PALS2: variants seen among roughly 807,000 people sequenced by gnomAD.
PALS2 encodes protein associated with LIN7 2, MAGUK p55 family member.
PALS2 carries 27 observed loss-of-function variants against 61.6 expected under a neutral mutation model. The ratio of observed to expected loss-of-function variants is 0.44; its 90% CI spans 0.32 to 0.60. PALS2 has a LOEUF of 0.60. Among genes scored for constraint, PALS2 ranks in the 20% least tolerant of loss-of-function variants. The pLI is 0.05. For synonymous variants in PALS2, 236 were observed against 218.6 expected, an observed-to-expected ratio of 1.08 and a Z score of -0.70; for missense variants, 554 against 639.4, an observed-to-expected ratio of 0.87 and a Z score of 1.44.
intron 1 of PALS2, among the ~76,000 whole-genome samples, chr7:24,585,122 C>T (rs1272612964): frequency 6.6e-6 from 1 of 152,170 alleles, no homozygotes; most frequent in African/African-American, 2.4e-5. Flanking sequence ...GTTCTTTTGG[C>T]TTAGGATTAC....
chr7:24,607,623 GTA>G (rs760117855), intron 1 of PALS2, among the ~76,000 whole-genome samples: 10 of 144,320 alleles, frequency 6.9e-5, no homozygotes, highest in Non-Finnish European at 1.1e-4. Context: ...ATATATGTGT[GTA>G]TATATACATA....
At chr7:24,617,777 T>C (rs796091410) in intron 1 of PALS2, among the ~76,000 whole-genome samples, 8 of 152,290 alleles carry the variant, frequency 5.3e-5, no homozygotes, top group African/African-American at 1.9e-4. Flanking sequence ...ACCAACTTGG[T>C]GTCTGGCTTG....
Position 24,639,617 on chromosome 7 carries a change from A to G in PALS2, c.118-2099A>G, listed in dbSNP as rs147382628. Among the ~76,000 whole-genome samples, 60 of 152,154 alleles carry G rather than the reference A, an allele frequency of 3.9e-4. 1 individual carries two copies. The highest frequency in any genetic ancestry group is 3.4e-3 in the Middle Eastern group (1 of 294). Reference sequence around the variant, plus strand: ...TATTCCAGCAAATATTTCTATCTAAACAATTGGCAATTCTAGCTTATTTCA... The same window carrying G: ...TATTCCAGCAAATATTTCTATCTAAGCAATTGGCAATTCTAGCTTATTTCA... On this transcript the variant is annotated intron_variant, in intron 2 of 11. Coordinates refer to ENST00000222644, the MANE Select transcript of PALS2 (RefSeq NM_001303037.2).
intron 2 of PALS2, chr7:24,624,234 G>A: frequency 1.2e-6 from 1 of 806,034 alleles, no homozygotes; most frequent in Non-Finnish European, 1.7e-6. Flanking sequence ...TTTTAAGTCT[G>A]TTTCCCTAGT....
chr7:24,651,055 G>A (rs1275222729), intron 5 of PALS2, among the ~76,000 whole-genome samples: 4 of 152,002 alleles, frequency 2.6e-5, no homozygotes, highest in African/African-American at 9.7e-5. Flanking sequence ...CCCTGGGAGA[G>A]GATAAAAATG....
intron 5 of PALS2, among the ~76,000 whole-genome samples, chr7:24,652,855 T>G (rs550081045): frequency 1.5e-4 from 23 of 152,308 alleles, no homozygotes; most frequent in African/African-American, 5.3e-4. Flanking sequence ...TAGATGATCT[T>G]TATCAGAATC....
chr7:24,661,044 T>C (rs565122469), intron 5 of PALS2, among the ~76,000 whole-genome samples: 1 of 152,328 alleles, frequency 6.6e-6, no homozygotes, highest in Non-Finnish European at 1.5e-5. Context: ...TTCAGTTCTT[T>C]TTAGTAATAA....
intron 2 of PALS2, among the ~76,000 whole-genome samples, chr7:24,640,513 T>C (rs2128070384): frequency 6.6e-6 from 1 of 152,344 alleles, no homozygotes. Context: ...ATCCTTGAAA[T>C]GGATCTTAAA....
intron 5 of PALS2, among the ~76,000 whole-genome samples, chr7:24,657,670 A>G (rs964292070): frequency 6.6e-6 from 1 of 152,164 alleles, no homozygotes; most frequent in Non-Finnish European, 1.5e-5. Context: ...TTCTCTTAAC[A>G]ATGTCATTCA....
At chr7:24,680,358 G>A in intron 10 of PALS2, 34 bp from the exon 11 acceptor site, 1 of 1,583,664 alleles carries the variant, frequency 6.3e-7, no homozygotes, top group Non-Finnish European at 8.7e-7. Context: ...TTCTAATATT[G>A]TATAAATTGG....
chr7:24,613,932 G>A (rs1157553320), intron 1 of PALS2, among the ~76,000 whole-genome samples: 1 of 151,730 alleles, frequency 6.6e-6, no homozygotes, highest in African/African-American at 2.4e-5. Flanking sequence ...CCTTTTTATG[G>A]CTGAATAGTA....
chr7:24,600,575 T>C (rs752777933), intron 1 of PALS2, among the ~76,000 whole-genome samples: 1 of 152,160 alleles, frequency 6.6e-6, no homozygotes, highest in Non-Finnish European at 1.5e-5. Context: ...TAAGGAAAAT[T>C]TATGGTGACA....
At chr7:24,617,307 G>A (rs1360358639) in intron 1 of PALS2, among the ~76,000 whole-genome samples, 1 of 151,990 alleles carries the variant, frequency 6.6e-6, no homozygotes, top group African/African-American at 2.4e-5. Context: ...GTTGAATCAT[G>A]TATCTATTAT....
intron 1 of PALS2, among the ~76,000 whole-genome samples, chr7:24,581,244 CGTGTGTGTGTGTGTGTGTGT>C (rs55768123): frequency 1.4e-4 from 20 of 143,132 alleles, no homozygotes; most frequent in Non-Finnish European, 2.0e-4. Context: ...CATTTCCCCA[CGTGTGTGTGTGTGTGTGTGT>C]GTGTGTGTGT....
rs912065394 is a variant in PALS2 at position 24,573,591 on chromosome 7, C to G, written c.-5C>G. The G allele has an allele frequency of 1.8e-4, 66 of 372,794 alleles. No individual in the cohort carries two copies. The highest frequency in any genetic ancestry group is 1.2e-3 in the African/African-American group (58 of 46,936). The allele number at this position is 372,794 out of a possible 1,614,324, so 23.1% of individuals were successfully genotyped here. On this transcript the variant is annotated splice_region_variant and 5_prime_UTR_variant, in exon 1 of 12. Coordinates refer to ENST00000222644, the MANE Select transcript of PALS2 (RefSeq NM_001303037.2). This position sits in a 1 kb window ranked among gnomAD's most constrained non-coding sequence, Gnocchi z 5.3. ...GGCGCGGAGGCGGCTGAGGTGCGAG[C>G]CGGTGAGTTAACTGGACCCCCACGC...
At chr7:24,681,151 A>G (rs1298121862) in intron 11 of PALS2, among the ~76,000 whole-genome samples, 4 of 152,088 alleles carry the variant, frequency 2.6e-5, no homozygotes, top group Non-Finnish European at 5.9e-5. Context: ...CATGTTTATT[A>G]TATGGTTTAT....
chr7:24,647,216 G>A (rs1034696207), intron 3 of PALS2, among the ~76,000 whole-genome samples: 5 of 150,656 alleles, frequency 3.3e-5, no homozygotes, highest in South Asian at 2.1e-4. Flanking sequence ...GCACGATCTC[G>A]GTTCTCTGCA....
At chr7:24,669,564 A>C (rs1179511202) in intron 9 of PALS2, among the ~76,000 whole-genome samples, 1 of 152,188 alleles carries the variant, frequency 6.6e-6, no homozygotes, top group Non-Finnish European at 1.5e-5. Flanking sequence ...TTAACATGGC[A>C]TTCCTTTAGG....
Position 24,595,551 on chromosome 7 carries a change from T to TA in PALS2, c.-3+21959dup, listed in dbSNP as rs1323224226. Among the ~76,000 whole-genome samples the TA allele has an allele frequency of 5.9e-5, 8 of 135,636 alleles. No homozygotes were observed. The South Asian group carries it at 6.6e-4, about 11-fold the overall frequency. 89.0% of individuals were successfully genotyped at this position (135,636 alleles called of 152,430 possible). ...ATATATAATATATAATATATAAATA[T>TA]ATATTAACTATATATAAATATATAT... is the stretch of plus-strand genomic sequence containing the variant. On this transcript the variant is annotated intron_variant, in intron 1 of 11. Transcript: ENST00000222644.
Sources: gnomAD v4.1 joint callset for allele counts (sites outside exome capture counted in the v4.1 genomes callset) on GRCh38, gnomAD v4.1.1 for gene constraint, Gnocchi (gnomAD v3.1) non-coding constraint, MANE v1.5 for transcripts, NCBI Gene and HGNC (gene_info 2026-07-23, HGNC 2026-07-21) for gene names.